The following SNX29 variants were observed in gnomAD, a reference collection of about 807,000 sequenced individuals.
The protein encoded by SNX29 is sorting nexin-29.
Under a neutral mutation model 102.1 loss-of-function variants are expected in SNX29, and 78 were observed. The observed-to-expected ratio is 0.76, with a 90% confidence interval of 0.64 to 0.92. SNX29 has a LOEUF of 0.92. Ranked by LOEUF, SNX29 falls within the 40% of genes least tolerant of loss-of-function variation. The pLI is 0.00. For synonymous variants in SNX29, 580 were observed against 414.5 expected (o/e 1.40, Z -4.85); for missense variants, 1,280 against 1,061.7 (o/e 1.21, Z -2.86).
chr16:12,138,282 A>G (rs1350246460), intron 13 of SNX29, among the ~76,000 whole-genome samples: 1 of 142,548 alleles, frequency 7.0e-6, no homozygotes, highest in Non-Finnish European at 1.5e-5. Context: ...ATCTCGGCTC[A>G]CTGCAACCTC....
intron 19 of SNX29, among the ~76,000 whole-genome samples, chr16:12,503,874 C>A (rs1213364724): frequency 6.6e-6 from 1 of 152,180 alleles, no homozygotes; most frequent in Non-Finnish European, 1.5e-5. Flanking sequence ...TGTGTCCATT[C>A]TTTTTTTAAA....
intron 15 of SNX29, among the ~76,000 whole-genome samples, chr16:12,321,469 C>A (rs2080928311): frequency 6.6e-6 from 1 of 152,178 alleles, no homozygotes; most frequent in African/African-American, 2.4e-5. Flanking sequence ...TGACCTGTGT[C>A]AAGGGCATAT....
At chr16:11,995,720 C>T (rs1162514899) in intron 1 of SNX29, among the ~76,000 whole-genome samples, 3 of 150,812 alleles carry the variant, frequency 2.0e-5, no homozygotes, top group Non-Finnish European at 4.4e-5. Context: ...CTTTATTATT[C>T]AGGTGTGAAA....
chr16:12,559,755 C>T (rs1030062545), intron 20 of SNX29, among the ~76,000 whole-genome samples: 5 of 152,152 alleles, frequency 3.3e-5, no homozygotes, highest in South Asian at 2.1e-4. Context: ...CCCAGCCTGA[C>T]AGCAGTCACT....
chr16:12,561,378 A>G (rs542856621), intron 20 of SNX29, among the ~76,000 whole-genome samples: 69 of 152,242 alleles, frequency 4.5e-4, no homozygotes, highest in African/African-American at 1.7e-3. Flanking sequence ...GTCGTGGAAG[A>G]TGCTGGCCAC....
At chr16:12,224,864 C>A (rs1020896336) in intron 14 of SNX29, among the ~76,000 whole-genome samples, 10 of 152,082 alleles carry the variant, frequency 6.6e-5, no homozygotes, top group African/African-American at 1.9e-4. Context: ...AGGATCAGTT[C>A]TCATGAACTG....
intron 14 of SNX29, among the ~76,000 whole-genome samples, chr16:12,261,864 C>G (rs2078780275): frequency 7.2e-6 from 1 of 138,952 alleles, no homozygotes; most frequent in African/African-American, 2.8e-5. Flanking sequence ...GCATCCCTGG[C>G]TGGAGTGAGT....
intron 15 of SNX29, among the ~76,000 whole-genome samples, chr16:12,317,557 G>A (rs575939256): frequency 1.3e-5 from 2 of 152,246 alleles, no homozygotes; most frequent in Admixed American, 1.3e-4. Flanking sequence ...AAGCCATAAA[G>A]AACAAATAAC....
intron 15 of SNX29, among the ~76,000 whole-genome samples, chr16:12,355,549 G>C (rs1334639831): frequency 3.9e-5 from 6 of 152,124 alleles, no homozygotes; most frequent in Admixed American, 3.9e-4. Flanking sequence ...TCTTCCTTCA[G>C]GGTTCTTGGA....
intron 3 of SNX29, among the ~76,000 whole-genome samples, chr16:12,022,895 CTT>C (rs34712388): frequency 1.0e-3 from 125 of 124,110 alleles, no homozygotes; most frequent in Non-Finnish European, 1.2e-3. Flanking sequence ...TACCTTATTC[CTT>C]TTTTTTTTTT....
Position 12,278,027 on chromosome 16 carries a change from G to A in SNX29, c.1773G>A (p.Lys591=), listed in dbSNP as rs1322717508. 6.3e-7 allele frequency: 1 copy of A among 1,599,038 alleles called. No individual in the cohort carries two copies. Among genetic ancestry groups the A allele is most frequent in the African/African-American group, 1.3e-5 (1 of 74,786 alleles). Residue 591 remains lysine (K), a synonymous_variant, in exon 15 of 21, where the codon AAG becomes AAA. Transcript: ENST00000566228. ...AACTCGCAAGCTCCTACGAAAGAAA[G>A]CTCATCGAGGTAAGGCCGGTGGAGT... is the stretch of plus-strand genomic sequence containing the variant. ...AEELASSYER[K]LIEVAEMHGE... is the part of the protein sequence containing the mutation.
intron 18 of SNX29, among the ~76,000 whole-genome samples, chr16:12,427,781 CAG>C (rs2085142504): frequency 6.6e-6 from 1 of 152,242 alleles, no homozygotes; most frequent in Non-Finnish European, 1.5e-5. Flanking sequence ...TCTGTTGACA[CAG>C]AGCCCTGATG....
intron 11 of SNX29, among the ~76,000 whole-genome samples, chr16:12,125,606 T>C (rs2054175892): frequency 5.2e-5 from 1 of 19,118 alleles, no homozygotes; most frequent in Non-Finnish European, 8.3e-5. Flanking sequence ...GAGATCTCTC[T>C]TTTTTTTTTT....
intron 20 of SNX29, among the ~76,000 whole-genome samples, chr16:12,538,372 G>T (rs750013462): frequency 2.6e-5 from 4 of 152,166 alleles, no homozygotes; most frequent in Non-Finnish European, 5.9e-5. Context: ...TTACAGGCGT[G>T]AGCCACCGCG....
intron 19 of SNX29, among the ~76,000 whole-genome samples, chr16:12,507,910 C>G (rs2089449118): frequency 6.6e-6 from 1 of 152,164 alleles, no homozygotes; most frequent in Admixed American, 6.5e-5. Flanking sequence ...AAGTCAAGGG[C>G]TTTTAATTGA....
At chr16:12,440,776 C>A (rs905670482) in intron 18 of SNX29, among the ~76,000 whole-genome samples, 2 of 152,178 alleles carry the variant, frequency 1.3e-5, no homozygotes, top group African/African-American at 2.4e-5. Context: ...TGATCTCGTT[C>A]TGTTTTTGGC....
intron 19 of SNX29, among the ~76,000 whole-genome samples, chr16:12,511,992 C>T (rs1224169284): frequency 6.6e-6 from 1 of 151,962 alleles, no homozygotes; most frequent in Admixed American, 6.6e-5. Flanking sequence ...GGGGTGTGTG[C>T]TTTGTGCTGG....
intron 3 of SNX29, among the ~76,000 whole-genome samples, chr16:12,016,567 C>T (rs1429471357): frequency 6.6e-6 from 1 of 152,086 alleles, no homozygotes; most frequent in African/African-American, 2.4e-5. Context: ...TTCTCTGTGT[C>T]CTTGCTAGCA....
chr16:12,070,412 G>A (rs939921261), intron 10 of SNX29, among the ~76,000 whole-genome samples: 27 of 146,314 alleles, frequency 1.8e-4, no homozygotes, highest in African/African-American at 6.1e-4. Context: ...CTATCTATGA[G>A]TGAGAACATG....
Sources: allele counts gnomAD v4.1 joint callset (sites outside exome capture counted in the v4.1 genomes callset), GRCh38; gene constraint gnomAD v4.1.1; transcripts MANE v1.5; gene names NCBI Gene and HGNC (gene_info 2026-07-23, HGNC 2026-07-21).